Variants in USH2A observed in about 807,000 individuals in gnomAD.
USH2A encodes usherin.
USH2A carries 443 observed loss-of-function variants against 538.9 expected under a neutral mutation model. That is an observed-to-expected ratio of 0.82 (90% CI 0.76 to 0.89). The LOEUF (loss-of-function observed/expected upper bound fraction) is 0.89, where lower values mean the gene tolerates loss of function less well. USH2A is among the 40% of genes least tolerant of loss of function. USH2A has a pLI of 0.00. For missense variants in USH2A, 6,633 were observed against 6,324.8 expected, an observed-to-expected ratio of 1.05 and a Z score of -1.65; for synonymous variants, 2,413 against 2,273.5, an observed-to-expected ratio of 1.06 and a Z score of -1.75.
At chr1:215,759,967 A>G (rs2102742510) in intron 56 of USH2A, 124 bp from the exon 57 acceptor site, 2 of 1,068,046 alleles carry the variant, frequency 1.9e-6, no homozygotes, top group Non-Finnish European at 2.8e-6. Flanking sequence ...ATCTAACTGT[A>G]TGGAACAAAA....
intron 55 of USH2A, among the ~76,000 whole-genome samples, chr1:215,772,943 G>A (rs1444566109): frequency 6.6e-6 from 1 of 152,172 alleles, no homozygotes. Flanking sequence ...CATCCTGCGG[G>A]TAAGTCATCT....
At chr1:216,009,484 G>A (rs1245582925) in intron 32 of USH2A, among the ~76,000 whole-genome samples, 2 of 151,992 alleles carry the variant, frequency 1.3e-5, no homozygotes, top group Non-Finnish European at 2.9e-5. Flanking sequence ...ATAGGCAAAC[G>A]GTCTGAGGTG....
Position 215,993,098 on chromosome 1 carries a change from C to T in USH2A, c.6727G>A (p.Gly2243Ser). 2 of 1,614,002 alleles carry T rather than the reference C, an allele frequency of 1.2e-6. No homozygotes were observed. Among genetic ancestry groups the T allele is most frequent in the South Asian group, 2.2e-5 (2 of 91,084 alleles). Residue 2243 changes from glycine (G) to serine (S), a missense_variant, in exon 35 of 72, where the codon GGC becomes AGC. Transcript: ENST00000307340. Reference protein sequence around the residue: ...EALTDEDIPEGVPAPKAHSYS... With the variant: ...EALTDEDIPESVPAPKAHSYS... Reference sequence around the variant, plus strand: ...GAGTGGGCTTTGGGGGCTGGCACGCCTTCGGGTATGTCCTCGTCAGTTAGG... The same window carrying T: ...GAGTGGGCTTTGGGGGCTGGCACGCTTTCGGGTATGTCCTCGTCAGTTAGG...
In USH2A at chr1:215,786,834, T is replaced by A; in HGVS notation, c.10223A>T (p.Glu3408Val). Residue 3408 changes from glutamate to valine, a missense_variant, in exon 52 of 72, where the codon GAA (glutamate) becomes GTA (valine). Transcript: ENST00000307340. Reference protein sequence around the residue: ...ECRILCPASMEATEHCGRCDF... With the variant: ...ECRILCPASMVATEHCGRCDF... ...ACACCTGCCACAATGTTCTGTGGCT[T>A]CCATAGATGCTGGGCAGAGGATCCT... is the stretch of plus-strand genomic sequence containing the variant. 1 of 1,613,956 alleles carries A rather than the reference T, an allele frequency of 6.2e-7. No homozygotes were observed. Among genetic ancestry groups the A allele is most frequent in the Non-Finnish European group, 8.5e-7 (1 of 1,179,918 alleles).
chr1:216,382,926 TA>T (rs1313902321), intron 3 of USH2A, among the ~76,000 whole-genome samples: 2 of 152,114 alleles, frequency 1.3e-5, no homozygotes, highest in African/African-American at 2.4e-5. Flanking sequence ...AATGAAAATA[TA>T]AACTCAAAGA....
At chr1:216,081,895 C>T (rs12057635) in intron 26 of USH2A, among the ~76,000 whole-genome samples, 26,564 of 151,334 alleles carry the variant, frequency 0.18, 2,619 homozygotes, top group African/African-American at 0.24. Flanking sequence ...CTGCACCCAG[C>T]CTTAATTTTT....
At chr1:216,396,510 T>C (rs953612108) in intron 3 of USH2A, among the ~76,000 whole-genome samples, 4 of 152,190 alleles carry the variant, frequency 2.6e-5, no homozygotes, top group African/African-American at 9.7e-5. Context: ...TTAATTAGGA[T>C]AAGCTTACAC....
intron 48 of USH2A, among the ~76,000 whole-genome samples, chr1:215,814,664 A>C (rs1488744376): frequency 6.6e-6 from 1 of 151,984 alleles, no homozygotes; most frequent in African/African-American, 2.4e-5. Flanking sequence ...CTTCCCCTTC[A>C]CCTTCCGCCA....
At chr1:216,313,574 T>TA (rs1337387009) in intron 9 of USH2A, among the ~76,000 whole-genome samples, 18 of 152,190 alleles carry the variant, frequency 1.2e-4, no homozygotes, top group Non-Finnish European at 7.4e-5. Flanking sequence ...GCAGTAAATT[T>TA]TCCTCTATAT....
chr1:215,651,316 T>C (rs1033131826), intron 64 of USH2A, among the ~76,000 whole-genome samples: 1 of 152,208 alleles, frequency 6.6e-6, no homozygotes, highest in Non-Finnish European at 1.5e-5. Flanking sequence ...AAGGTTGCCT[T>C]AGGTCGTCAT....
At chr1:216,033,800 C>T (rs1054358713) in intron 32 of USH2A, among the ~76,000 whole-genome samples, 3 of 152,102 alleles carry the variant, frequency 2.0e-5, no homozygotes, top group Admixed American at 1.3e-4. Flanking sequence ...TGCGCCACTG[C>T]ACTCCATCCA....
At chr1:215,767,949 T>C (rs1196964335) in intron 55 of USH2A, among the ~76,000 whole-genome samples, 2 of 152,196 alleles carry the variant, frequency 1.3e-5, no homozygotes, top group Admixed American at 6.5e-5. Context: ...CTGAGCCTAT[T>C]TGTTAAATAA....
At chr1:216,152,579 C>T (rs946753109) in intron 21 of USH2A, among the ~76,000 whole-genome samples, 3 of 152,150 alleles carry the variant, frequency 2.0e-5, no homozygotes, top group African/African-American at 7.2e-5. Flanking sequence ...CCCTTATCTC[C>T]CTTCACTGAC....
chr1:216,173,903 C>T (rs1572019708), intron 21 of USH2A: 14 of 911,046 alleles, frequency 1.5e-5, no homozygotes, highest in African/African-American at 1.8e-5. Context: ...AAGAGTTTTA[C>T]TATTATTCAT....
rs2032222263 is a variant in USH2A at position 216,089,086 on chromosome 1, A to G, written c.4812T>C (p.Asp1604=). The G allele has an allele frequency of 3.1e-6, 5 of 1,613,364 alleles. No individual in the cohort carries two copies. The Admixed American group carries it at 6.7e-5, about 22-fold the overall frequency. The change falls in exon 23 of 72, where the codon GAT becomes GAC. Residue 1604 remains aspartate, a synonymous_variant. Transcript: ENST00000307340. The part of the protein sequence containing the change: ...TTNDHGKQYS[D]GKWHEIIAIR... ...TAGCAATTATTTCATGCCATTTTCC[A>G]TCACTATATTGTTTGCCATGATCAT...
At chr1:215,931,493 C>T (rs901975311) in intron 38 of USH2A, among the ~76,000 whole-genome samples, 2 of 151,932 alleles carry the variant, frequency 1.3e-5, no homozygotes, top group African/African-American at 4.8e-5. Flanking sequence ...TTTCTCACCT[C>T]CAATACACTC....
chr1:216,151,692 A>G (rs1217087289), intron 21 of USH2A, among the ~76,000 whole-genome samples: 2 of 152,310 alleles, frequency 1.3e-5, no homozygotes, highest in African/African-American at 4.8e-5. Context: ...TCAATGCTGA[A>G]AAAGGAGGAC....
At chr1:215,639,628 T>A (rs183004355) in intron 68 of USH2A, among the ~76,000 whole-genome samples, 5 of 152,234 alleles carry the variant, frequency 3.3e-5, no homozygotes, top group Admixed American at 3.3e-4. Flanking sequence ...TCAAAAGGGA[T>A]CCTAGAAATC....
chr1:215,811,618 C>T (rs1434599539), intron 49 of USH2A, among the ~76,000 whole-genome samples: 1 of 151,744 alleles, frequency 6.6e-6, no homozygotes, highest in Non-Finnish European at 1.5e-5. Flanking sequence ...AAAAAAAACC[C>T]TAGGCTGGGC....
Sources: gnomAD v4.1 joint callset for allele counts (sites outside exome capture counted in the v4.1 genomes callset) on GRCh38, gnomAD v4.1.1 for gene constraint, MANE v1.5 for transcripts, NCBI Gene and HGNC (gene_info 2026-07-23, HGNC 2026-07-21) for gene names.